Variants in TBC1D5 observed in about 807,000 individuals in gnomAD.
TBC1D5 encodes TBC1 domain family, member 5.
In TBC1D5, 75 loss-of-function variants were observed where a neutral mutation model predicts 100.3. The ratio of observed to expected loss-of-function variants is 0.75; its 90% CI spans 0.62 to 0.91. TBC1D5 has a LOEUF of 0.91. TBC1D5 is among the 40% of genes least tolerant of loss of function. The pLI is 0.00. For synonymous variants in TBC1D5, 323 were observed against 325.6 expected (o/e 0.99, Z 0.09); for missense variants, 910 against 942.4 (o/e 0.97, Z 0.45).
exon 1 of TBC1D5, chr3:17,739,665 G>A (rs2077240212): frequency 1.3e-5 from 2 of 152,226 alleles, no homozygotes; most frequent in South Asian, 2.1e-4. Flanking sequence ...AAGATTACAA[G>A]CACTGAGGCG....
intron 1 of TBC1D5, among the ~76,000 whole-genome samples, chr3:17,630,660 G>A (rs1009364359): frequency 7.2e-5 from 11 of 152,086 alleles, no homozygotes; most frequent in African/African-American, 2.4e-4. Flanking sequence ...CGGCCTCTTA[G>A]TGTTCAACTG....
intron 1 of TBC1D5, among the ~76,000 whole-genome samples, chr3:17,690,751 C>A (rs1206389965): frequency 6.6e-6 from 1 of 152,108 alleles, no homozygotes; most frequent in Non-Finnish European, 1.5e-5. Context: ...GCCTGGTGAT[C>A]TAAGGTGGAA....
At chr3:17,181,377 G>C (rs1415925584) in intron 19 of TBC1D5, among the ~76,000 whole-genome samples, 1 of 152,198 alleles carries the variant, frequency 6.6e-6, no homozygotes, top group Non-Finnish European at 1.5e-5. Context: ...AGAAGAGACA[G>C]TTAAAGAGTT....
At chr3:17,192,363 T>TAA (rs75783515) in intron 18 of TBC1D5, among the ~76,000 whole-genome samples, 1 of 141,270 alleles carries the variant, frequency 7.1e-6, no homozygotes, top group African/African-American at 2.6e-5. Context: ...AAATAAATTG[T>TAA]AAAAAAAAAA....
intron 3 of TBC1D5, among the ~76,000 whole-genome samples, chr3:17,492,469 C>A (rs2095651213): frequency 6.6e-6 from 1 of 151,766 alleles, no homozygotes; most frequent in South Asian, 2.1e-4. Context: ...AGAGTCTCCT[C>A]TGTCACCCAG....
At chr3:17,266,123 T>C (rs1286101965) in intron 15 of TBC1D5, among the ~76,000 whole-genome samples, 1 of 152,152 alleles carries the variant, frequency 6.6e-6, no homozygotes, top group African/African-American at 2.4e-5. Context: ...GTCTTTTCTT[T>C]TGCCTGTAAT....
chr3:17,591,227 ATC>A (rs1314695167), intron 2 of TBC1D5, among the ~76,000 whole-genome samples: 7 of 114,044 alleles, frequency 6.1e-5, no homozygotes, highest in African/African-American at 2.2e-4. Flanking sequence ...CAAAGAAAGG[ATC>A]TGTCAAAAAA....
intron 2 of TBC1D5, among the ~76,000 whole-genome samples, chr3:17,577,330 G>C (rs1318767084): frequency 6.6e-6 from 1 of 151,958 alleles, no homozygotes; most frequent in Non-Finnish European, 1.5e-5. Flanking sequence ...TTTAAAGACA[G>C]TAACATTTAC....
chr3:17,239,131 T>A (rs2076107570), intron 16 of TBC1D5, among the ~76,000 whole-genome samples: 1 of 152,212 alleles, frequency 6.6e-6, no homozygotes, highest in African/African-American at 2.4e-5. Flanking sequence ...ACAAGTTTCA[T>A]GAGGGCAAGG....
In TBC1D5 at chr3:17,490,637, T is replaced by TA. The variant is rs1008896315; in HGVS notation, c.97+17836dup. ...AATAATGTTTGTAGTTGTGCAGTCT[T>TA]ATATCTGAGTTCTCTATTCTGTTCC... On this transcript the variant is annotated intron_variant, in intron 3 of 21. Transcript: ENST00000253692. Among the ~76,000 whole-genome samples, 3 of 152,296 alleles carry TA rather than the reference T, an allele frequency of 2.0e-5. No homozygotes were observed. The East Asian group carries it at 5.8e-4, about 29-fold the overall frequency.
intron 14 of TBC1D5, among the ~76,000 whole-genome samples, chr3:17,304,079 G>C (rs946582112): frequency 2.0e-5 from 3 of 151,994 alleles, no homozygotes; most frequent in Middle Eastern, 3.4e-3. Context: ...TTATGAACTG[G>C]ATTACTTGTG....
At chr3:17,375,440 G>A (rs1026946520) in intron 10 of TBC1D5, among the ~76,000 whole-genome samples, 17 of 151,920 alleles carry the variant, frequency 1.1e-4, no homozygotes, top group Non-Finnish European at 1.9e-4. Context: ...GGTGGTGCCC[G>A]CCTGTAGTCT....
chr3:17,328,692 T>C (rs560049530), intron 13 of TBC1D5, among the ~76,000 whole-genome samples: 2 of 152,308 alleles, frequency 1.3e-5, no homozygotes, highest in East Asian at 1.9e-4. Flanking sequence ...TCTTCAGAAA[T>C]AGTGGAGACC....
intron 1 of TBC1D5, among the ~76,000 whole-genome samples, chr3:17,650,551 C>T (rs899265214): frequency 9.9e-5 from 15 of 152,010 alleles, no homozygotes; most frequent in Admixed American, 8.5e-4. Context: ...AAAAATTCAT[C>T]AGACAGAAGA....
intron 14 of TBC1D5, among the ~76,000 whole-genome samples, chr3:17,305,152 T>C (rs1256827008): frequency 6.6e-6 from 1 of 152,058 alleles, no homozygotes; most frequent in African/African-American, 2.4e-5. Flanking sequence ...CCAAAGTGAG[T>C]GGACTTTTCT....
At chr3:17,669,524 T>C (rs767468022) in intron 1 of TBC1D5, among the ~76,000 whole-genome samples, 3 of 152,186 alleles carry the variant, frequency 2.0e-5, no homozygotes, top group African/African-American at 4.8e-5. Context: ...ACCATGAATG[T>C]TTCCCACCTT....
chr3:17,659,388 A>G (rs776432957), intron 1 of TBC1D5, among the ~76,000 whole-genome samples: 76 of 152,244 alleles, frequency 5.0e-4, no homozygotes, highest in Non-Finnish European at 9.0e-4. Context: ...TCCAGAGATA[A>G]CCATCTAGGA....
At chr3:17,627,534 G>A (rs2063153785) in intron 1 of TBC1D5, among the ~76,000 whole-genome samples, 1 of 151,974 alleles carries the variant, frequency 6.6e-6, no homozygotes, top group Non-Finnish European at 1.5e-5. Context: ...CAGTACAGAA[G>A]GAATAACTCA....
intron 10 of TBC1D5, 130 bp downstream of exon 10, chr3:17,376,395 A>C: frequency 1.3e-6 from 1 of 778,118 alleles, no homozygotes; most frequent in Non-Finnish European, 2.0e-6. Context: ...ACCACATGAA[A>C]CACAATCAAA....
Sources: gnomAD v4.1 joint callset for allele counts (sites outside exome capture counted in the v4.1 genomes callset) on GRCh38, gnomAD v4.1.1 for gene constraint, MANE v1.5 for transcripts, NCBI Gene and HGNC (gene_info 2026-07-23, HGNC 2026-07-21) for gene names.